AGBL1: variants seen among roughly 807,000 people sequenced by gnomAD.
AGBL1 encodes the protein cytosolic carboxypeptidase 4.
AGBL1 carries 130 observed loss-of-function variants against 118.9 expected under a neutral mutation model. The ratio of observed to expected loss-of-function variants is 1.09; its 90% CI spans 0.95 to 1.26. The LOEUF is 1.26. Among genes scored for constraint, AGBL1 ranks in the 50% most tolerant of loss-of-function variants. The pLI is 0.00. For synonymous variants in AGBL1, 555 were observed against 478.9 expected, an observed-to-expected ratio of 1.16 and a Z score of -2.08; for missense variants, 1,584 against 1,298.1, an observed-to-expected ratio of 1.22 and a Z score of -3.38.
Position 86,266,372 on chromosome 15 carries a change from A to G in AGBL1, c.1668-2A>G. 6.4e-7 allele frequency: 1 copy of G among 1,568,938 alleles called. No homozygotes were observed. Among genetic ancestry groups the G allele is most frequent in the South Asian group, 1.2e-5 (1 of 84,820 alleles). On this transcript the variant is annotated splice_acceptor_variant, in intron 11 of 22. Transcript: ENST00000614907. LOFTEE classifies it high-confidence loss of function. The stretch of plus-strand genomic sequence containing the variant: ...TAAAATGTTTTCAATTTTCTTTTTC[A>G]GGATCAGGATATTTGAGGATATTCG...
chr15:86,102,437 G>A (rs1355565777), intron 1 of AGBL1, among the ~76,000 whole-genome samples: 2 of 152,102 alleles, frequency 1.3e-5, no homozygotes, highest in Non-Finnish European at 2.9e-5. Flanking sequence ...ATTTCCAGTT[G>A]TAGGACTCCC....
At chr15:86,993,075 TAAAAA>T (rs1228117989) in intron 24 of AGBL1, among the ~76,000 whole-genome samples, 2 of 152,168 alleles carry the variant, frequency 1.3e-5, no homozygotes, top group African/African-American at 4.8e-5. Flanking sequence ...TATCCTAAAA[TAAAAA>T]GTAAAGTGAT....
chr15:86,976,699 T>A (rs1008823167), intron 23 of AGBL1, among the ~76,000 whole-genome samples: 4 of 152,030 alleles, frequency 2.6e-5, no homozygotes, highest in Non-Finnish European at 4.4e-5. Flanking sequence ...CCTTTTAAAC[T>A]CTTCAAAGTT....
chr15:86,365,277 T>C (rs2080870562), intron 17 of AGBL1, among the ~76,000 whole-genome samples: 1 of 152,150 alleles, frequency 6.6e-6, no homozygotes, highest in Admixed American at 6.5e-5. Context: ...AAGAGATTCA[T>C]CTAAGCTATT....
At chr15:86,985,030 C>T (rs977269761) in intron 23 of AGBL1, among the ~76,000 whole-genome samples, 7 of 152,128 alleles carry the variant, frequency 4.6e-5, no homozygotes, top group South Asian at 2.1e-4. Context: ...CATAATGATT[C>T]ATTCATGGAG....
chr15:86,526,702 T>C (rs1268291519), intron 19 of AGBL1, among the ~76,000 whole-genome samples: 1 of 151,572 alleles, frequency 6.6e-6, no homozygotes, highest in African/African-American at 2.4e-5. Context: ...AATGAATTAA[T>C]ATTTTTTGCA....
chr15:86,293,669 A>G (rs2079585254), intron 16 of AGBL1, among the ~76,000 whole-genome samples: 1 of 152,200 alleles, frequency 6.6e-6, no homozygotes, highest in South Asian at 2.1e-4. Context: ...GGGGGCCACT[A>G]TTCTTCTTAC....
chr15:86,763,713 C>G (rs2078058862), intron 22 of AGBL1, among the ~76,000 whole-genome samples: 2 of 151,930 alleles, frequency 1.3e-5, no homozygotes, highest in Non-Finnish European at 2.9e-5. Flanking sequence ...AGCCCTGGCA[C>G]TGTTGCTGAT....
At chr15:86,224,994 G>A (rs770592920) in intron 6 of AGBL1, 43 bp downstream of exon 6, 6 of 1,593,974 alleles carry the variant, frequency 3.8e-6, no homozygotes, top group Non-Finnish European at 4.3e-6. Flanking sequence ...CTCCACTCTG[G>A]GTTTAATGAA....
chr15:86,672,677 C>T (rs925801924), intron 21 of AGBL1, among the ~76,000 whole-genome samples: 6 of 152,102 alleles, frequency 3.9e-5, no homozygotes, highest in Admixed American at 1.3e-4. Context: ...AATCAGACCT[C>T]GGAGCTTTAG....
intron 18 of AGBL1, among the ~76,000 whole-genome samples, chr15:86,409,493 C>T (rs56737774): frequency 0.039 from 5,952 of 152,212 alleles, 404 homozygotes; most frequent in African/African-American, 0.14. Flanking sequence ...CAGAAGGCGT[C>T]AGGAGCTTGA....
In AGBL1 at chr15:86,102,560, G is replaced by C. The variant is rs185418201; in HGVS notation, c.51+22537G>C. ...ATGAAGGATAACTTTGCTGTGTATA[G>C]TATTCTTGCATAATATTCCCGCCCC... On this transcript the variant is annotated intron_variant, in intron 1 of 22. Transcript: ENST00000614907. 2.3e-3 allele frequency among the ~76,000 whole-genome samples: 347 copies of C among 152,130 alleles called. 3 individuals are homozygous for C. The Middle Eastern group carries it at 0.034, about 15-fold the overall frequency.
Position 86,526,544 on chromosome 15 carries a change from G to GTGTGTGTATATA in AGBL1, c.2685+3606_2685+3607insGTGTGTATATAT, listed in dbSNP as rs754816154. Among the ~76,000 whole-genome samples, 37 of 119,440 alleles carry GTGTGTGTATATA rather than the reference G, an allele frequency of 3.1e-4. No individual in the cohort carries two copies. The East Asian group carries it at 5.8e-3, about 19-fold the overall frequency. 78.4% of individuals were successfully genotyped at this position (119,440 alleles called of 152,430 possible). A position where few individuals can be genotyped will look rare whatever the true frequency, so the allele number is the denominator to read the frequency against. On this transcript the variant is annotated intron_variant, in intron 19 of 22. Coordinates refer to ENST00000614907, the MANE Select transcript of AGBL1 (RefSeq NM_001386094.1). ...TGCACACAGATATGTTTGTGTCTGT[G>GTGTGTGTATATA]TATATATATATATATATATATATAT... is the stretch of plus-strand genomic sequence containing the variant.
At chr15:86,964,762 C>T (rs1218524133) in intron 23 of AGBL1, among the ~76,000 whole-genome samples, 2 of 151,900 alleles carry the variant, frequency 1.3e-5, no homozygotes. Flanking sequence ...AGGTATTTCT[C>T]CTAATGCTAT....
chr15:86,476,697 C>A (rs1215083463), intron 18 of AGBL1, among the ~76,000 whole-genome samples: 1 of 152,102 alleles, frequency 6.6e-6, no homozygotes. Context: ...ACAAGGATAT[C>A]CAGGAATTGA....
intron 5 of AGBL1, among the ~76,000 whole-genome samples, chr15:86,162,587 T>G (rs546641212): frequency 6.6e-6 from 1 of 152,322 alleles, no homozygotes; most frequent in East Asian, 1.9e-4. Context: ...ATACCCACCA[T>G]GCTGCACACA....
At chr15:86,371,387 G>A (rs1251967021) in intron 17 of AGBL1, among the ~76,000 whole-genome samples, 2 of 152,122 alleles carry the variant, frequency 1.3e-5, no homozygotes, top group African/African-American at 4.8e-5. Context: ...TGCATGAAGA[G>A]CTCTGCCTGG....
At chr15:86,176,007 C>T (rs2077476590) in intron 5 of AGBL1, among the ~76,000 whole-genome samples, 1 of 152,170 alleles carries the variant, frequency 6.6e-6, no homozygotes, top group South Asian at 2.1e-4. Flanking sequence ...TACGTGTTCT[C>T]AGGTGCAGTC....
intron 21 of AGBL1, among the ~76,000 whole-genome samples, chr15:86,565,417 G>T (rs1474297816): frequency 6.6e-6 from 1 of 152,238 alleles, no homozygotes; most frequent in Non-Finnish European, 1.5e-5. Context: ...GTTTGCCTGG[G>T]TATCAGCAGC....
Sources: gnomAD v4.1 joint callset for allele counts (sites outside exome capture counted in the v4.1 genomes callset) on GRCh38, gnomAD v4.1.1 for gene constraint, MANE v1.5 for transcripts, NCBI Gene and HGNC (gene_info 2026-07-23, HGNC 2026-07-21) for gene names.